Variants in EPG5 observed in about 807,000 individuals in gnomAD.
The protein encoded by EPG5 is ectopic P granules protein 5 homolog.
A neutral mutation model predicts 302.7 loss-of-function variants in EPG5; 159 were observed. That is an observed-to-expected ratio of 0.53 (90% CI 0.46 to 0.60). The LOEUF (loss-of-function observed/expected upper bound fraction) is 0.60. Ranked by LOEUF, EPG5 falls within the 20% of genes least tolerant of loss-of-function variation. The probability of loss-of-function intolerance (pLI) is 0.00; values close to 1 mark genes in which losing one functional copy is unlikely to be tolerated. For synonymous variants in EPG5, 1,158 were observed against 1,136.8 expected, an observed-to-expected ratio of 1.02 and a Z score of -0.37; for missense variants, 2,896 against 3,092.4, an observed-to-expected ratio of 0.94 and a Z score of 1.51.
intron 14 of EPG5, 114 bp downstream of exon 14, chr18:45,925,624 G>T (rs1017362452): frequency 1.3e-6 from 1 of 757,344 alleles, no homozygotes; most frequent in Non-Finnish European, 2.0e-6. Flanking sequence ...CAGCTACAAA[G>T]AATTTGTAGA....
rs936848208 is a variant in EPG5 at position 45,917,742 on chromosome 18, T to C, written c.3176A>G (p.His1059Arg). 1.9e-6 allele frequency: 3 copies of C among 1,613,772 alleles called. No individual in the cohort carries two copies. Among genetic ancestry groups the C allele is most frequent in the South Asian group, 2.2e-5 (2 of 91,068 alleles). The change falls in exon 17 of 44, where the codon CAT (histidine) becomes CGT (arginine). Residue 1059 changes from histidine to arginine, a missense_variant. By Grantham distance (29) the His-to-Arg change is conservative (BLOSUM62 0). Coordinates refer to ENST00000282041, the MANE Select transcript of EPG5 (RefSeq NM_020964.3). Reference sequence around the variant, plus strand: ...TAAAGGCAGAATCTTATCCAGGACATGAACCACTGTTCTCAAATGTCTTGA... The same window carrying C: ...TAAAGGCAGAATCTTATCCAGGACACGAACCACTGTTCTCAAATGTCTTGA... ...VQSRHLRTVV[H>R]VLDKILPLFY...
At chr18:45,838,609 C>A in the EPG5 span, 1 of 1,374,938 alleles carries the variant, frequency 7.3e-7, no homozygotes, top group Non-Finnish European at 9.5e-7. Flanking sequence ...GCCTGGCACC[C>A]AAGTGCCCAT....
chr18:45,903,404 A>G (rs1337542563), intron 25 of EPG5, among the ~76,000 whole-genome samples: 1 of 152,066 alleles, frequency 6.6e-6, no homozygotes, highest in East Asian at 1.9e-4. Flanking sequence ...CATACAACTA[A>G]CGCGTTTTGG....
intron 20 of EPG5, 92 bp downstream of exon 20, chr18:45,915,419 T>G (rs973445731): frequency 4.6e-5 from 41 of 899,054 alleles, no homozygotes; most frequent in Non-Finnish European, 6.4e-5. Context: ...TAAATAAAAG[T>G]TAGTTTAGAC....
chr18:45,950,453 T>C (rs1315598772), intron 4 of EPG5, among the ~76,000 whole-genome samples: 1 of 152,202 alleles, frequency 6.6e-6, no homozygotes, highest in Non-Finnish European at 1.5e-5. Flanking sequence ...GTTTCTGCTC[T>C]TGCTTCTTCC....
At chr18:45,893,940 G>A (rs1453474737) in intron 27 of EPG5, among the ~76,000 whole-genome samples, 3 of 152,020 alleles carry the variant, frequency 2.0e-5, no homozygotes, top group African/African-American at 7.3e-5. Flanking sequence ...ACTTATGAAG[G>A]GCATAAATCT....
At chr18:45,837,397 G>A in the EPG5 span, 110 of 1,354,336 alleles carry the variant, frequency 8.1e-5, no homozygotes, top group African/African-American at 1.2e-3. Context: ...CTGAGTCCTG[G>A]GGTTTCCAGG....
chr18:45,953,481 G>C, intron 2 of EPG5: 1 of 985,346 alleles, frequency 1.0e-6, no homozygotes. Context: ...ATGAGGATTA[G>C]GGATAGGGGA....
At chr18:45,836,694 T>A in the EPG5 span, among the ~76,000 whole-genome samples, 1 of 152,146 alleles carries the variant, frequency 6.6e-6, no homozygotes, top group Non-Finnish European at 1.5e-5. Flanking sequence ...GTCTCTCAGC[T>A]CCCTCCCTGC....
At chr18:45,932,035 C>T (rs944401843) in intron 11 of EPG5, among the ~76,000 whole-genome samples, 2 of 151,914 alleles carry the variant, frequency 1.3e-5, no homozygotes, top group African/African-American at 4.8e-5. Context: ...TTTCATTTTC[C>T]ATCTCCAAAT....
chr18:45,943,368 G>A (rs1257830411), intron 8 of EPG5, 57 bp from the exon 9 acceptor site: 21 of 1,433,558 alleles, frequency 1.5e-5, no homozygotes, highest in Non-Finnish European at 1.9e-5. Context: ...AAACATGAAC[G>A]GATACATCTG....
the EPG5 span, among the ~76,000 whole-genome samples, chr18:45,829,586 G>C: frequency 6.6e-6 from 1 of 152,226 alleles, no homozygotes; most frequent in African/African-American, 2.4e-5. Flanking sequence ...CCCTCTCCTG[G>C]CCCTCCAGGT....
the EPG5 span, chr18:45,837,914 C>T: frequency 2.0e-6 from 3 of 1,474,216 alleles, no homozygotes; most frequent in Admixed American, 4.8e-5. Flanking sequence ...GGCGTGGGAG[C>T]GGGTCCCCGG....
intron 27 of EPG5, among the ~76,000 whole-genome samples, chr18:45,891,673 A>G (rs991928023): frequency 5.1e-4 from 78 of 152,166 alleles, no homozygotes; most frequent in African/African-American, 1.8e-3. Context: ...AAATCTTTAC[A>G]AAACTTCTTT....
At chr18:45,923,969 A>G (rs2050212442) in intron 14 of EPG5, among the ~76,000 whole-genome samples, 1 of 151,846 alleles carries the variant, frequency 6.6e-6, no homozygotes, top group Non-Finnish European at 1.5e-5. Context: ...CAGAGGTTGC[A>G]GTGAGCCAAA....
the EPG5 span, among the ~76,000 whole-genome samples, chr18:45,836,092 G>A: frequency 6.6e-6 from 1 of 152,228 alleles, no homozygotes; most frequent in African/African-American, 2.4e-5. Context: ...CCCCATGGAG[G>A]ATGGTCTGCC....
At chr18:45,854,111 G>C (rs879375910) in intron 43 of EPG5, among the ~76,000 whole-genome samples, 1 of 152,182 alleles carries the variant, frequency 6.6e-6, no homozygotes, top group Non-Finnish European at 1.5e-5. Flanking sequence ...AGGAGACGTA[G>C]TCTTCTCAAA....
intron 16 of EPG5, among the ~76,000 whole-genome samples, chr18:45,921,963 T>TGA (rs1479532502): frequency 1.8e-5 from 2 of 113,054 alleles, no homozygotes; most frequent in African/African-American, 6.4e-5. Context: ...AAGTAAAATT[T>TGA]AAAAAAAAAA....
At chr18:45,871,680 A>C (rs1346638774) in intron 35 of EPG5, among the ~76,000 whole-genome samples, 1 of 152,258 alleles carries the variant, frequency 6.6e-6, no homozygotes, top group Non-Finnish European at 1.5e-5. Flanking sequence ...AACGAGGCAC[A>C]GAAAGACAAA....
Sources: gnomAD v4.1 joint callset for allele counts (sites outside exome capture counted in the v4.1 genomes callset) on GRCh38, gnomAD v4.1.1 for gene constraint, MANE v1.5 for transcripts, NCBI Gene and HGNC (gene_info 2026-07-23, HGNC 2026-07-21) for gene names.